The following SEM1 variants were observed in gnomAD, a reference collection of about 807,000 sequenced individuals.
The protein encoded by SEM1 is 26S proteasome complex subunit SEM1.
SEM1 carries 3 observed loss-of-function variants against 12.7 expected under a neutral mutation model. The observed-to-expected ratio is 0.24, with a 90% CI of 0.11 to 0.61. The LOEUF (loss-of-function observed/expected upper bound fraction) is 0.61. Among genes scored for constraint, SEM1 ranks in the 20% least tolerant of loss-of-function variants. The pLI is 0.88. For missense variants in SEM1, 59 were observed against 81.3 expected (o/e 0.73, Z 1.06); for synonymous variants, 30 against 27.8 (o/e 1.08, Z -0.25).
intron 2 of SEM1, among the ~76,000 whole-genome samples, chr7:96,524,341 A>T (rs1009491475): frequency 2.7e-4 from 41 of 152,198 alleles, no homozygotes; most frequent in African/African-American, 9.6e-4. Context: ...TCAGTGTTTT[A>T]TATTTGCATT....
At chr7:96,575,986 T>A (rs1806193439) in intron 2 of SEM1, among the ~76,000 whole-genome samples, 1 of 152,212 alleles carries the variant, frequency 6.6e-6, no homozygotes, top group Non-Finnish European at 1.5e-5. Flanking sequence ...ATGTTAAAGT[T>A]TTACCTTAGG....
intron 1 of SEM1, among the ~76,000 whole-genome samples, chr7:96,699,902 T>C (rs1790217573): frequency 6.7e-6 from 1 of 148,866 alleles, no homozygotes; most frequent in Non-Finnish European, 1.5e-5. Flanking sequence ...AGCTTGGTGT[T>C]AAAACCACTG....
intron 2 of SEM1, among the ~76,000 whole-genome samples, chr7:96,651,260 A>G (rs1196799459): frequency 2.0e-5 from 3 of 152,214 alleles, no homozygotes. Context: ...TTCCAATTAA[A>G]AACACTCTTT....
Position 96,673,690 on chromosome 7 carries a change from T to A in SEM1, c.*70A>T, listed in dbSNP as rs879146701. On this transcript the variant is annotated 3_prime_UTR_variant, in exon 3 of 3. Coordinates refer to the SEM1 transcript ENST00000413065. ...CACATGACTAGTGCTCAATAATAGC[T>A]CTCCAATCCTGTGCATCCCAGCTCT... is the stretch of plus-strand genomic sequence containing the variant. 3 of 749,972 alleles carry A rather than the reference T, an allele frequency of 4.0e-6. No individual in the cohort carries two copies. The South Asian group carries it at 4.2e-5, about 10-fold the overall frequency. 46.5% of individuals were successfully genotyped at this position (749,972 alleles called of 1,614,324 possible). A position where few individuals can be genotyped will look rare whatever the true frequency, so the allele number is the denominator to read the frequency against.
At chr7:96,621,688 A>G (rs1417173340), downstream of SEM1, 1 of 152,236 alleles carries the variant, frequency 6.6e-6, no homozygotes, top group African/African-American at 2.4e-5. Flanking sequence ...ACATTACCGA[A>G]TACATACATT....
intron 2 of SEM1, among the ~76,000 whole-genome samples, chr7:96,543,217 A>G (rs1805008023): frequency 6.6e-6 from 1 of 152,012 alleles, no homozygotes; most frequent in Non-Finnish European, 1.5e-5. Context: ...CATATTCCCT[A>G]AACAATAAAG....
chr7:96,678,340 T>A (rs1446187254), intron 2 of SEM1, among the ~76,000 whole-genome samples: 1 of 152,112 alleles, frequency 6.6e-6, no homozygotes, highest in Non-Finnish European at 1.5e-5. Context: ...AAGTCTAACA[T>A]CATGGTCACA....
intron 3 of SEM1, among the ~76,000 whole-genome samples, chr7:96,505,275 T>G (rs989143209): frequency 5.3e-5 from 8 of 152,050 alleles, no homozygotes; most frequent in Non-Finnish European, 8.8e-5. Flanking sequence ...CTAATTTTTT[T>G]GTATTTTTAT....
At chr7:96,489,161 G>A (rs532155498) in intron 1 of SEM1, among the ~76,000 whole-genome samples, 29 of 152,210 alleles carry the variant, frequency 1.9e-4, no homozygotes, top group African/African-American at 6.7e-4. Flanking sequence ...CTCTCACAGT[G>A]CCGCCAGAAG....
intron 1 of SEM1, among the ~76,000 whole-genome samples, chr7:96,490,084 A>G (rs1407838123): frequency 6.6e-6 from 1 of 152,052 alleles, no homozygotes; most frequent in South Asian, 2.1e-4. Context: ...TGTGTGTCCA[A>G]CTGCCTTGGA....
intron 2 of SEM1, among the ~76,000 whole-genome samples, chr7:96,633,564 G>C (rs1808337193): frequency 6.6e-6 from 1 of 151,990 alleles, no homozygotes; most frequent in African/African-American, 2.4e-5. Flanking sequence ...TAATAAATGA[G>C]GATGTATTAT....
chr7:96,578,876 C>G (rs892225184), intron 2 of SEM1, among the ~76,000 whole-genome samples: 1 of 152,080 alleles, frequency 6.6e-6, no homozygotes, highest in Non-Finnish European at 1.5e-5. Flanking sequence ...GCTTTGTTCT[C>G]TATTTATTGT....
At chr7:96,486,410 T>C in exon 2 of SEM1, 3 of 1,536,900 alleles carry the variant, frequency 2.0e-6, no homozygotes, top group Non-Finnish European at 1.7e-6. Context: ...AGCACAAATG[T>C]TGGAGTCCTA....
At chr7:96,688,525 G>T (rs1563113776), downstream of SEM1, 2 of 154,726 alleles carry the variant, frequency 1.3e-5, no homozygotes, top group African/African-American at 2.4e-5. Flanking sequence ...TGATGTAAAA[G>T]AAATTCCTTA....
rs988874059 is a variant in SEM1 at position 96,531,586 on chromosome 7, C to T, written c.171-24888G>A. On this transcript the variant is annotated intron_variant and NMD_transcript_variant, in intron 2 of 3. Coordinates refer to the SEM1 transcript ENST00000466986. ...TCATGTCACTGCACTGCAGCCTGGG[C>T]GACAGTGAGACTCTGTGTGGAAAAA... Among the ~76,000 whole-genome samples, 16 of 134,228 alleles carry T rather than the reference C, an allele frequency of 1.2e-4. 1 individual carries two copies. Among genetic ancestry groups the T allele is most frequent in the African/African-American group, 2.5e-4 (9 of 35,714 alleles). 88.1% of individuals were successfully genotyped at this position (134,228 alleles called of 152,430 possible).
chr7:96,500,861 T>G (rs569594238), upstream of SEM1, among the ~76,000 whole-genome samples: 1 of 152,160 alleles, frequency 6.6e-6, no homozygotes, highest in African/African-American at 2.4e-5. Flanking sequence ...TGGACTACAT[T>G]TGGCTGTGGT....
chr7:96,504,174 G>A (rs1341221285), intron 3 of SEM1, among the ~76,000 whole-genome samples: 3 of 152,198 alleles, frequency 2.0e-5, no homozygotes, highest in East Asian at 1.9e-4. Context: ...TCAGCACCCC[G>A]TGGGGTCCAA....
At chr7:96,498,195 G>A (rs1803366758), upstream of SEM1, among the ~76,000 whole-genome samples, 1 of 152,146 alleles carries the variant, frequency 6.6e-6, no homozygotes, top group African/African-American at 2.4e-5. Context: ...GAAACCACAT[G>A]GCCCGCCTTC....
intron 2 of SEM1, among the ~76,000 whole-genome samples, chr7:96,613,040 G>A (rs1807591470): frequency 6.6e-6 from 1 of 152,186 alleles, no homozygotes; most frequent in Admixed American, 6.5e-5. Flanking sequence ...ACTAAAGTGA[G>A]CTAATGTTAA....
Sources: allele counts gnomAD v4.1 joint callset (sites outside exome capture counted in the v4.1 genomes callset), GRCh38; gene constraint gnomAD v4.1.1; transcripts MANE v1.5; gene names NCBI Gene and HGNC (gene_info 2026-07-23, HGNC 2026-07-21).